The following EDA variants were observed in gnomAD, a reference collection of about 807,000 sequenced individuals.
EDA encodes the protein ectodysplasin A.
EDA carries 2 observed loss-of-function variants against 23.6 expected under a neutral mutation model. The observed-to-expected ratio is 0.08, with a 90% CI of 0.03 to 0.27. The LOEUF is 0.27. EDA is among the 10% of genes least tolerant of loss of function. The pLI is 1.00. For synonymous variants in EDA, 131 were observed against 132.0 expected (o/e 0.99, Z 0.05); for missense variants, 229 against 324.2 (o/e 0.71, Z 2.26).
intron 1 of EDA, among the ~76,000 whole-genome samples, chrX:69,862,083 C>T (rs1015295461): frequency 9.0e-6 from 1 of 111,692 alleles, no homozygotes; most frequent in South Asian, 3.7e-4. Context: ...CAAAATTTTT[C>T]ATGAGGTTGC....
intron 1 of EDA, among the ~76,000 whole-genome samples, chrX:69,832,419 A>T (rs1238092640): frequency 8.9e-6 from 1 of 112,036 alleles, no homozygotes; most frequent in African/African-American, 3.2e-5. Flanking sequence ...TACCAGTACC[A>T]TGCTGTTTTG....
At chrX:69,909,057 A>G (rs2018219486) in intron 1 of EDA, among the ~76,000 whole-genome samples, 1 of 111,316 alleles carries the variant, frequency 9.0e-6, no homozygotes, top group Non-Finnish European at 1.9e-5. Flanking sequence ...AACTGTGTCC[A>G]TCATAATTTT....
chrX:69,913,875 T>C (rs2018304541), intron 1 of EDA, among the ~76,000 whole-genome samples: 1 of 111,543 alleles, frequency 9.0e-6, no homozygotes, highest in African/African-American at 3.3e-5. Flanking sequence ...TCTCTGGGAA[T>C]AGGAAGGCCT....
chrX:69,677,049 A>G (rs1322934951), intron 1 of EDA, among the ~76,000 whole-genome samples: 10 of 91,645 alleles, frequency 1.1e-4, no homozygotes, highest in Non-Finnish European at 1.9e-4. Context: ...TCATTGTTCA[A>G]TTCCCACCTA....
chrX:69,683,487 T>C (rs1264925466), intron 1 of EDA, among the ~76,000 whole-genome samples: 1 of 111,864 alleles, frequency 8.9e-6, no homozygotes, highest in Non-Finnish European at 1.9e-5. Flanking sequence ...GAATACTTCA[T>C]GATTTTCTGA....
chrX:69,740,258 A>G (rs959343927), intron 1 of EDA, among the ~76,000 whole-genome samples: 1 of 111,528 alleles, frequency 9.0e-6, no homozygotes, highest in African/African-American at 3.2e-5. Flanking sequence ...TATGGGATCA[A>G]ATTACCACCA....
chrX:69,642,486 TTTATTC>T (rs1932851564), intron 1 of EDA, among the ~76,000 whole-genome samples: 2 of 110,853 alleles, frequency 1.8e-5, no homozygotes, highest in African/African-American at 6.5e-5. Context: ...ATTTATATGT[TTTATTC>T]TTATAAAGAA....
chrX:69,947,754 A>G (rs1276388605), intron 1 of EDA, among the ~76,000 whole-genome samples: 1 of 112,099 alleles, frequency 8.9e-6, no homozygotes, highest in Non-Finnish European at 1.9e-5. Flanking sequence ...TAGATGTGAT[A>G]TCTGTGGTGG....
chrX:69,714,257 T>A (rs1161059325), intron 1 of EDA, among the ~76,000 whole-genome samples: 5 of 111,544 alleles, frequency 4.5e-5, no homozygotes, highest in Non-Finnish European at 9.4e-5. Flanking sequence ...TTATTTTTAG[T>A]TTACTCTTGA....
intron 2 of EDA, among the ~76,000 whole-genome samples, chrX:70,010,829 T>A (rs1273896781): frequency 1.8e-5 from 2 of 110,854 alleles, no homozygotes; most frequent in Non-Finnish European, 3.8e-5. Flanking sequence ...AAAAGGGGTT[T>A]CTCCTTATAA....
chrX:69,932,411 G>T (rs994698039), intron 1 of EDA, among the ~76,000 whole-genome samples: 1 of 111,890 alleles, frequency 8.9e-6, no homozygotes, highest in Non-Finnish European at 1.9e-5. Context: ...TTAATCTGGA[G>T]TGTGTTTCAG....
In EDA at chrX:70,031,811, G is replaced by A. The variant is rs565062472; in HGVS notation, c.793+1291G>A. 3.0e-4 allele frequency among the ~76,000 whole-genome samples: 34 copies of A among 112,551 alleles called. 1 individual carries two copies. The South Asian group carries it at 9.2e-3, about 31-fold the overall frequency. ...ACCTGTCCAGGGAGGCCAGAGACAG[G>A]CCAAAATAGATTTGTTTGGATATCT... is the stretch of plus-strand genomic sequence containing the variant. On this transcript the variant is annotated intron_variant, in intron 6 of 7. Coordinates refer to ENST00000374552, the MANE Select transcript of EDA (RefSeq NM_001399.5).
chrX:69,708,834 T>C (rs1443189282), intron 1 of EDA, among the ~76,000 whole-genome samples: 1 of 110,651 alleles, frequency 9.0e-6, no homozygotes, highest in East Asian at 2.9e-4. Context: ...AGGAAAGGGA[T>C]GTATAAAAAG....
intron 2 of EDA, among the ~76,000 whole-genome samples, chrX:70,014,766 G>A (rs1468507733): frequency 8.9e-6 from 1 of 112,216 alleles, no homozygotes; most frequent in Non-Finnish European, 1.9e-5. Flanking sequence ...ATCTCATAAT[G>A]CAATTGCAAG....
intron 1 of EDA, among the ~76,000 whole-genome samples, chrX:69,626,544 C>T (rs1448731314): frequency 1.8e-5 from 2 of 111,352 alleles, no homozygotes; most frequent in East Asian, 5.6e-4. Flanking sequence ...AAGTTAGTCA[C>T]AAAAAAACCA....
In EDA at chrX:69,740,673, G is replaced by T. The variant is rs999000729; in HGVS notation, c.396+123969G>T. Among the ~76,000 whole-genome samples the T allele has an allele frequency of 2.7e-5, 3 of 109,760 alleles. No individual in the cohort carries two copies. In the Admixed American group the frequency reaches 2.9e-4, roughly 11 times the overall value. ...GTTTGTTGAGCTTTTTGTATTTGTA[G>T]GTTAATATTTTTCACCAAATTTAGG... is the stretch of plus-strand genomic sequence containing the variant. On this transcript the variant is annotated intron_variant, in intron 1 of 7. Coordinates refer to ENST00000374552, the MANE Select transcript of EDA (RefSeq NM_001399.5).
chrX:69,753,652 C>A (rs1216453957), intron 1 of EDA, among the ~76,000 whole-genome samples: 1 of 110,825 alleles, frequency 9.0e-6, no homozygotes, highest in Non-Finnish European at 1.9e-5. Flanking sequence ...CTGTCTCGAT[C>A]TGTTTAATGT....
intron 1 of EDA, among the ~76,000 whole-genome samples, chrX:69,710,529 G>A (rs1428193975): frequency 9.0e-6 from 1 of 111,602 alleles, no homozygotes; most frequent in Non-Finnish European, 1.9e-5. Context: ...TCTGTGAAGA[G>A]AGTCATTGGT....
chrX:69,749,054 C>G (rs1280644745), intron 1 of EDA, among the ~76,000 whole-genome samples: 4 of 93,339 alleles, frequency 4.3e-5, no homozygotes, highest in Non-Finnish European at 8.5e-5. Flanking sequence ...CGTCATCTAG[C>G]ATTAGGTATA....
Sources: gnomAD v4.1 joint callset for allele counts (sites outside exome capture counted in the v4.1 genomes callset) on GRCh38, gnomAD v4.1.1 for gene constraint, MANE v1.5 for transcripts, NCBI Gene and HGNC (gene_info 2026-07-23, HGNC 2026-07-21) for gene names.